The following NKIRAS1 variants were observed in gnomAD, a reference collection of about 807,000 sequenced individuals.
The protein encoded by NKIRAS1 is NFKB inhibitor interacting Ras like 1.
NKIRAS1 carries 16 observed loss-of-function variants against 19.8 expected under a neutral mutation model. The observed-to-expected ratio is 0.81, with a 90% CI of 0.55 to 1.23. NKIRAS1 has a LOEUF of 1.23. Among genes scored for constraint, NKIRAS1 ranks in the 50% most tolerant of loss-of-function variants. The probability of loss-of-function intolerance (pLI) is 0.00; values close to 1 mark genes in which losing one functional copy is unlikely to be tolerated. For missense variants in NKIRAS1, 184 were observed against 220.0 expected, an observed-to-expected ratio of 0.84 and a Z score of 1.04; for synonymous variants, 88 against 79.0, an observed-to-expected ratio of 1.11 and a Z score of -0.61.
At chr3:23,933,672 T>C (rs988411068) in intron 1 of NKIRAS1, among the ~76,000 whole-genome samples, 1 of 152,240 alleles carries the variant, frequency 6.6e-6, no homozygotes, top group African/African-American at 2.4e-5. Context: ...CCTGCTTTTT[T>C]ATACGTGCAT....
At chr3:23,933,171 G>C (rs1227596602) in intron 1 of NKIRAS1, among the ~76,000 whole-genome samples, 1 of 152,172 alleles carries the variant, frequency 6.6e-6, no homozygotes, top group Non-Finnish European at 1.5e-5. Flanking sequence ...TAAGTGCTAA[G>C]TTTGTGGTAA....
At position 23,892,648 on chromosome 3, in the gene NKIRAS1, AT is replaced by A. The variant is rs1214951361; in HGVS notation, c.*446del. The A allele has an allele frequency of 6.6e-6, 1 of 152,474 alleles. No individual in the cohort carries two copies. The highest frequency in any genetic ancestry group is 1.5e-5 in the Non-Finnish European group (1 of 68,234). The allele number at this position is 152,474 out of a possible 1,614,324, so 9.4% of individuals were successfully genotyped here. Reference sequence around the variant, plus strand: ...TTGGGTCCAATTTAGACACAAAAAAATGTTTTATAATCCTAGACATTAGATT... The same window carrying A: ...TTGGGTCCAATTTAGACACAAAAAAAGTTTTATAATCCTAGACATTAGATT... On this transcript the variant is annotated 3_prime_UTR_variant, in exon 5 of 5. Transcript: ENST00000425478.
chr3:23,917,962 G>T (rs1199176508), upstream of NKIRAS1: 1 of 1,613,694 alleles, frequency 6.2e-7, no homozygotes, highest in African/African-American at 1.3e-5. Flanking sequence ...CCAGCTCTCT[G>T]CTCTCCACAG....
chr3:23,919,660 G>A, upstream of NKIRAS1: 1 of 1,412,216 alleles, frequency 7.1e-7, no homozygotes, highest in African/African-American at 1.4e-5. Flanking sequence ...AAGACAATAA[G>A]TGGTGGTGTA....
Position 23,890,764 on chromosome 3 carries a change from G to A in NKIRAS1, c.*2331C>T, listed in dbSNP as rs1428177689. Reference sequence around the variant, plus strand: ...TCCTAAGATTTTGTTGTAACTTAAGGTATCTTGCTACAGTAGACAGAATTG... The same window carrying A: ...TCCTAAGATTTTGTTGTAACTTAAGATATCTTGCTACAGTAGACAGAATTG... On this transcript the variant is annotated 3_prime_UTR_variant, in exon 5 of 5. Coordinates refer to ENST00000425478, the MANE Select transcript of NKIRAS1 (RefSeq NM_020345.4). 3.3e-6 allele frequency: 2 copies of A among 600,856 alleles called. No homozygotes were observed. Among genetic ancestry groups the A allele is most frequent in the Non-Finnish European group, 5.2e-6 (2 of 381,420 alleles). 37.2% of individuals were successfully genotyped at this position (600,856 alleles called of 1,614,324 possible).
intron 1 of NKIRAS1, among the ~76,000 whole-genome samples, chr3:23,942,892 T>G (rs750877692): frequency 2.0e-5 from 3 of 152,004 alleles, no homozygotes; most frequent in Non-Finnish European, 2.9e-5. Flanking sequence ...GGACTACAGT[T>G]GCACACCACC....
intron 1 of NKIRAS1, among the ~76,000 whole-genome samples, chr3:23,944,684 G>C (rs976021377): frequency 6.6e-6 from 1 of 152,196 alleles, no homozygotes; most frequent in Non-Finnish European, 1.5e-5. Flanking sequence ...GATTAGAAGA[G>C]AGGTCTTGGC....
intron 4 of NKIRAS1, among the ~76,000 whole-genome samples, chr3:23,896,339 G>A (rs915094856): frequency 5.3e-5 from 8 of 152,024 alleles, no homozygotes; most frequent in African/African-American, 1.9e-4. Flanking sequence ...AAACGGCCGG[G>A]CATGGTGGCT....
chr3:23,933,663 C>T (rs139466352), intron 1 of NKIRAS1, among the ~76,000 whole-genome samples: 157 of 152,058 alleles, frequency 1.0e-3, no homozygotes, highest in African/African-American at 3.7e-3. Flanking sequence ...TTTTTTGGTC[C>T]TGCTTTTTTA....
chr3:23,941,424 A>C (rs1322397977), intron 1 of NKIRAS1, among the ~76,000 whole-genome samples: 2 of 152,148 alleles, frequency 1.3e-5, no homozygotes, highest in African/African-American at 4.8e-5. Flanking sequence ...TAGCTTTCCT[A>C]GAAAGTAATT....
rs72627069 is a variant in NKIRAS1, at chr3:23,899,606, A to T, written c.336+1202T>A. ...TTCCAGACAGGGAAACAAGCAATTGAGAAAGCTTAATAGGAAAACAAAACT... is the reference window on the plus strand; with the variant it reads ...TTCCAGACAGGGAAACAAGCAATTGTGAAAGCTTAATAGGAAAACAAAACT... On this transcript the variant is annotated intron_variant, in intron 4 of 4. Coordinates refer to ENST00000425478, the MANE Select transcript of NKIRAS1 (RefSeq NM_020345.4). Among the ~76,000 whole-genome samples, 908 of 152,364 alleles carry T rather than the reference A, an allele frequency of 6.0e-3. 18 individuals are homozygous for T. The highest frequency in any genetic ancestry group is 0.049 in the East Asian group (256 of 5,180).
At chr3:23,911,826 G>C (rs1703769441) in intron 1 of NKIRAS1, among the ~76,000 whole-genome samples, 3 of 147,720 alleles carry the variant, frequency 2.0e-5, no homozygotes, top group Non-Finnish European at 4.5e-5. Context: ...GCAGTGATGA[G>C]ATTTCGGTTC....
intron 1 of NKIRAS1, among the ~76,000 whole-genome samples, chr3:23,915,404 C>T (rs1371374751): frequency 6.6e-6 from 1 of 152,120 alleles, no homozygotes; most frequent in African/African-American, 2.4e-5. Context: ...GATTTACAGA[C>T]CTAGTCTGAT....
chr3:23,902,397 G>A (rs762269497), intron 3 of NKIRAS1, among the ~76,000 whole-genome samples: 7 of 152,126 alleles, frequency 4.6e-5, no homozygotes, highest in Non-Finnish European at 8.8e-5. Flanking sequence ...TGTATTCAGT[G>A]TTTAGAAAGG....
At chr3:23,909,868 T>TG (rs1426143126) in intron 3 of NKIRAS1, among the ~76,000 whole-genome samples, 153 of 150,016 alleles carry the variant, frequency 1.0e-3, no homozygotes, top group Non-Finnish European at 1.6e-3. Context: ...TTTTTTGTTT[T>TG]TTTTTTTTTG....
intron 4 of NKIRAS1, among the ~76,000 whole-genome samples, chr3:23,897,114 A>C (rs1010622662): frequency 3.3e-5 from 5 of 152,096 alleles, no homozygotes; most frequent in Non-Finnish European, 7.4e-5. Context: ...CAGGAGACTG[A>C]GGCAGGAGGT....
At chr3:23,913,979 A>G (rs2125430952) in intron 1 of NKIRAS1, among the ~76,000 whole-genome samples, 1 of 152,360 alleles carries the variant, frequency 6.6e-6, no homozygotes, top group East Asian at 1.9e-4. Context: ...TACTTGTCAC[A>G]TCCCTACCCT....
chr3:23,893,998 C>G (rs1206894961), intron 4 of NKIRAS1, among the ~76,000 whole-genome samples: 1 of 152,096 alleles, frequency 6.6e-6, no homozygotes. Flanking sequence ...CAAAACAAGA[C>G]AGCTGGAGCT....
chr3:23,944,350 A>T (rs951963384), intron 1 of NKIRAS1, among the ~76,000 whole-genome samples: 6 of 150,928 alleles, frequency 4.0e-5, no homozygotes, highest in Non-Finnish European at 8.8e-5. Flanking sequence ...AGCAAACTGG[A>T]AAGAGTTTTA....
Sources: allele counts gnomAD v4.1 joint callset (sites outside exome capture counted in the v4.1 genomes callset), GRCh38; gene constraint gnomAD v4.1.1; transcripts MANE v1.5; gene names NCBI Gene and HGNC (gene_info 2026-07-23, HGNC 2026-07-21).